The following COL24A1 variants were observed in gnomAD, a reference collection of about 807,000 sequenced individuals.
COL24A1 encodes the protein collagen alpha-1(XXIV) chain.
A neutral mutation model predicts 253.9 loss-of-function variants in COL24A1; 224 were observed. That is an observed-to-expected ratio of 0.88 (90% CI 0.79 to 0.99). The LOEUF is 0.99. Among genes scored for constraint, COL24A1 ranks in the 50% least tolerant of loss-of-function variants. The pLI, the probability that COL24A1 is intolerant of heterozygous loss-of-function variation, is 0.00. For synonymous variants in COL24A1, 685 were observed against 673.7 expected (o/e 1.02, Z -0.26); for missense variants, 2,131 against 2,068.5 (o/e 1.03, Z -0.59).
chr1:85,871,675 T>C (rs1330775506), intron 35 of COL24A1, among the ~76,000 whole-genome samples: 1 of 152,116 alleles, frequency 6.6e-6, no homozygotes, highest in Non-Finnish European at 1.5e-5. Flanking sequence ...CTCCATTAAT[T>C]AGGTATTGAT....
chr1:85,822,918 G>A (rs1222378266), intron 45 of COL24A1, among the ~76,000 whole-genome samples: 1 of 152,018 alleles, frequency 6.6e-6, no homozygotes, highest in Non-Finnish European at 1.5e-5. Context: ...ATTCTTGTTA[G>A]GTCAGTTTAA....
chr1:85,889,240 G>T (rs1682844859), intron 32 of COL24A1, among the ~76,000 whole-genome samples: 3 of 152,012 alleles, frequency 2.0e-5, no homozygotes, highest in Admixed American at 2.0e-4. Flanking sequence ...GATTGTGCGT[G>T]TGTGGCAACA....
chr1:86,083,911 C>T (rs1465335815), intron 7 of COL24A1, among the ~76,000 whole-genome samples: 1 of 152,218 alleles, frequency 6.6e-6, no homozygotes, highest in African/African-American at 2.4e-5. Context: ...TTTCCTAAAT[C>T]CATATATTTT....
At chr1:86,053,750 A>G (rs1298619764) in intron 10 of COL24A1, among the ~76,000 whole-genome samples, 1 of 152,090 alleles carries the variant, frequency 6.6e-6, no homozygotes, top group African/African-American at 2.4e-5. Flanking sequence ...TGTTTTAAAC[A>G]TTTACATTTG....
intron 22 of COL24A1, among the ~76,000 whole-genome samples, chr1:85,966,196 G>A (rs1691557592): frequency 6.6e-6 from 1 of 152,122 alleles, no homozygotes; most frequent in South Asian, 2.1e-4. Flanking sequence ...GGGAGAAAGA[G>A]AAGACTCAAA....
At chr1:85,769,080 T>C (rs1667687151) in intron 53 of COL24A1, among the ~76,000 whole-genome samples, 1 of 152,192 alleles carries the variant, frequency 6.6e-6, no homozygotes, top group African/African-American at 2.4e-5. Context: ...TCCTCTCTTA[T>C]ATAAGATAAC....
chr1:85,892,886 A>G (rs1406884771), intron 31 of COL24A1, among the ~76,000 whole-genome samples: 2 of 152,108 alleles, frequency 1.3e-5, no homozygotes, highest in Admixed American at 1.3e-4. Flanking sequence ...TCCAACAGAC[A>G]GATTAAAATA....
intron 5 of COL24A1, among the ~76,000 whole-genome samples, chr1:86,104,070 T>G (rs1056853904): frequency 6.6e-6 from 1 of 152,176 alleles, no homozygotes; most frequent in African/African-American, 2.4e-5. Flanking sequence ...TCTCAGGGGT[T>G]TTGTTCATTC....
In COL24A1 at chr1:85,966,057, C is replaced by T. The variant is rs115000133; in HGVS notation, c.2464-995G>A. Among the ~76,000 whole-genome samples the T allele has an allele frequency of 4.0e-3, 603 of 152,100 alleles. 1 individual carries two copies. The highest frequency in any genetic ancestry group is 0.017 in the Middle Eastern group (5 of 294). On this transcript the variant is annotated intron_variant, in intron 22 of 59. Transcript: ENST00000370571. ...GGTAGAAGAAGAGAGTCCAAATAAGCGTCTAGTACAATAATCCAAGTGAGA... is the reference window on the plus strand; with the variant it reads ...GGTAGAAGAAGAGAGTCCAAATAAGTGTCTAGTACAATAATCCAAGTGAGA...
chr1:86,000,291 T>C (rs1695275693), intron 19 of COL24A1, among the ~76,000 whole-genome samples: 1 of 152,198 alleles, frequency 6.6e-6, no homozygotes, highest in South Asian at 2.1e-4. Flanking sequence ...ACCTAACAGT[T>C]TACATATAGA....
At position 85,987,489 on chromosome 1, in the gene COL24A1, T is replaced by C. The variant is rs1486843590; in HGVS notation, c.2364+112A>G. ...TTTATTAAATGTACCTGAGACAGCT[T>C]AAAAATATCCAGAAATGTTCTGATA... On this transcript the variant is annotated intron_variant, in intron 20 of 59. Coordinates refer to ENST00000370571, the MANE Select transcript of COL24A1 (RefSeq NM_152890.7). 8.2e-6 allele frequency: 8 copies of C among 978,032 alleles called. 1 individual carries two copies. In the South Asian group the frequency reaches 1.2e-4, roughly 14 times the overall value. The allele number at this position is 978,032 out of a possible 1,614,324, so 60.6% of individuals were successfully genotyped here. A position where few individuals can be genotyped will look rare whatever the true frequency, so the allele number is the denominator to read the frequency against.
chr1:85,878,588 G>C (rs1681470975), intron 32 of COL24A1, among the ~76,000 whole-genome samples: 2 of 152,082 alleles, frequency 1.3e-5, no homozygotes, highest in African/African-American at 4.8e-5. Context: ...AACTCATTTG[G>C]GTAAACACTA....
chr1:85,796,233 C>A (rs1332282451), intron 47 of COL24A1, among the ~76,000 whole-genome samples: 7 of 152,192 alleles, frequency 4.6e-5, no homozygotes, highest in African/African-American at 7.2e-5. Flanking sequence ...CAAGGGTATA[C>A]AATCTCTTGC....
chr1:85,854,780 C>T (rs1413797806), intron 37 of COL24A1, among the ~76,000 whole-genome samples: 2 of 151,708 alleles, frequency 1.3e-5, no homozygotes, highest in Non-Finnish European at 2.9e-5. Context: ...TCACAGCTCA[C>T]TGCAACCTCA....
intron 19 of COL24A1, among the ~76,000 whole-genome samples, chr1:85,999,658 A>G (rs1429619739): frequency 6.6e-6 from 1 of 151,650 alleles, no homozygotes; most frequent in Non-Finnish European, 1.5e-5. Flanking sequence ...AAAATAAAAT[A>G]AAAAAGAAAA....
intron 20 of COL24A1, among the ~76,000 whole-genome samples, chr1:85,981,473 T>C (rs1453141074): frequency 6.6e-6 from 1 of 152,144 alleles, no homozygotes; most frequent in African/African-American, 2.4e-5. Context: ...TCCTCATTTC[T>C]CATCTTACAC....
At chr1:85,834,374 A>T (rs571090060) in intron 43 of COL24A1, among the ~76,000 whole-genome samples, 36 of 152,162 alleles carry the variant, frequency 2.4e-4, no homozygotes, top group Non-Finnish European at 4.7e-4. Context: ...CTACTGGTTT[A>T]GACATCTGAA....
chr1:85,763,658 AT>A (rs530875238), intron 53 of COL24A1, among the ~76,000 whole-genome samples: 1 of 150,826 alleles, frequency 6.6e-6, no homozygotes, highest in African/African-American at 2.4e-5. Flanking sequence ...CTCCTGGCTA[AT>A]TTTTTTTGTA....
chr1:85,907,126 G>A, intron 28 of COL24A1, 68 bp downstream of exon 28: 1 of 1,276,902 alleles, frequency 7.8e-7, no homozygotes, highest in Non-Finnish European at 1.1e-6. Flanking sequence ...TATTTTTGTT[G>A]CACATTTTCC....
Sources: gnomAD v4.1 joint callset for allele counts (sites outside exome capture counted in the v4.1 genomes callset) on GRCh38, gnomAD v4.1.1 for gene constraint, MANE v1.5 for transcripts, NCBI Gene and HGNC (gene_info 2026-07-23, HGNC 2026-07-21) for gene names.